The following COL6A5 variants were observed in gnomAD, a reference collection of about 807,000 sequenced individuals.
The protein encoded by COL6A5 is collagen type VI alpha 5 chain, also known as collagen alpha-5(VI) chain.
In COL6A5, 48 loss-of-function variants were observed where a neutral mutation model predicts 65.6. That is an observed-to-expected ratio of 0.73 (90% CI 0.58 to 0.93). The LOEUF is 0.93. COL6A5 is among the 40% of genes least tolerant of loss of function. The pLI, the probability that COL6A5 is intolerant of heterozygous loss-of-function variation, is 0.00. For missense variants in COL6A5, 914 were observed against 928.3 expected (o/e 0.98, Z 0.20); for synonymous variants, 291 against 322.8 (o/e 0.90, Z 1.05).
At chr3:130,481,027 G>A (rs893339554) in intron 7 of COL6A5, among the ~76,000 whole-genome samples, 27 of 151,990 alleles carry the variant, frequency 1.8e-4, no homozygotes, top group African/African-American at 6.3e-4. Flanking sequence ...AGGCAAGAGG[G>A]TTAGGCTTTC....
At chr3:130,421,061 G>A in intron 25 of COL6A5, 92 bp from the exon 26 acceptor site, 1 of 1,185,804 alleles carries the variant, frequency 8.4e-7, no homozygotes, top group Non-Finnish European at 1.2e-6. Flanking sequence ...GAAGTCCCTA[G>A]TGCTTCTCTT....
chr3:130,482,809 C>T (rs552433018), intron 7 of COL6A5, among the ~76,000 whole-genome samples: 75 of 152,174 alleles, frequency 4.9e-4, no homozygotes, highest in African/African-American at 1.7e-3. Flanking sequence ...TTGTAGCAAT[C>T]GTGAATGTGA....
chr3:130,421,408 C>T (rs1258269982), intron 27 of COL6A5, 48 bp downstream of exon 27: 1 of 1,523,678 alleles, frequency 6.6e-7, no homozygotes, highest in African/African-American at 1.4e-5. Context: ...TAACCTTCTA[C>T]TTGAGAACTG....
At chr3:130,373,638 A>C (rs1287946715) in exon 2 of COL6A5, 3 of 1,526,684 alleles carry the variant, frequency 2.0e-6, no homozygotes, top group Non-Finnish European at 8.9e-7. Context: ...TCACTAACAA[A>C]ATGAAGATCT....
chr3:130,412,764 G>T (rs1460369919), intron 20 of COL6A5, among the ~76,000 whole-genome samples: 2 of 152,104 alleles, frequency 1.3e-5, no homozygotes, highest in East Asian at 3.9e-4. Flanking sequence ...TGGAAACATT[G>T]TAAGCAATAG....
intron 17 of COL6A5, among the ~76,000 whole-genome samples, chr3:130,408,887 G>A (rs1297523030): frequency 6.6e-6 from 1 of 152,218 alleles, no homozygotes; most frequent in African/African-American, 2.4e-5. Flanking sequence ...GATGTTGGAA[G>A]TTGCTAGACT....
chr3:130,406,685 A>T (rs897707310), intron 17 of COL6A5, among the ~76,000 whole-genome samples: 6 of 152,114 alleles, frequency 3.9e-5, no homozygotes, highest in African/African-American at 1.4e-4. Flanking sequence ...AGAAAAAAAA[A>T]AGCAAGAGAA....
At chr3:130,385,448 A>T in intron 5 of COL6A5, 84 bp downstream of exon 5, 3 of 1,332,016 alleles carry the variant, frequency 2.3e-6, no homozygotes, top group Non-Finnish European at 1.0e-6. Context: ...ACAAGGCCTG[A>T]TGTGACCAGT....
At chr3:130,421,172 G>T in exon 26 of COL6A5, 1 of 1,550,698 alleles carries the variant, frequency 6.4e-7, no homozygotes, top group Non-Finnish European at 8.7e-7. Context: ...GGCATCCCAG[G>T]CTACGGTCAG....
chr3:130,432,507 C>T (rs1392116726), intron 1 of COL6A5, among the ~76,000 whole-genome samples: 4 of 149,276 alleles, frequency 2.7e-5, no homozygotes, highest in Non-Finnish European at 4.4e-5. Flanking sequence ...GCCGAAATGG[C>T]GCCACTACAC....
intron 1 of COL6A5, among the ~76,000 whole-genome samples, chr3:130,347,887 C>T (rs1369488935): frequency 6.6e-6 from 1 of 152,124 alleles, no homozygotes; most frequent in Non-Finnish European, 1.5e-5. Flanking sequence ...AGGAGTTGGG[C>T]ACTGGGCAAA....
intron 27 of COL6A5, among the ~76,000 whole-genome samples, chr3:130,422,302 G>A (rs1029576944): frequency 6.6e-6 from 1 of 151,768 alleles, no homozygotes; most frequent in Non-Finnish European, 1.5e-5. Flanking sequence ...TAAGCATGTC[G>A]ATAAATAACT....
intron 1 of COL6A5, among the ~76,000 whole-genome samples, chr3:130,351,749 C>A (rs559085551): frequency 6.6e-6 from 1 of 152,172 alleles, no homozygotes; most frequent in African/African-American, 2.4e-5. Context: ...GACAGTATGG[C>A]AATTCCTCAA....
At chr3:130,397,527 C>A in intron 8 of COL6A5, 56 bp from the exon 9 acceptor site, 3 of 1,381,240 alleles carry the variant, frequency 2.2e-6, no homozygotes, top group South Asian at 2.9e-5. Flanking sequence ...TCTGCCGTCT[C>A]TCCTTCCTTA....
exon 1 of COL6A5, chr3:130,431,804 A>C: frequency 6.4e-7 from 1 of 1,551,638 alleles, no homozygotes; most frequent in Non-Finnish European, 8.7e-7. Flanking sequence ...GCAGGAGCCA[A>C]CGTGAGGAGA....
intron 7 of COL6A5, among the ~76,000 whole-genome samples, chr3:130,481,100 G>C (rs899748582): frequency 6.6e-6 from 1 of 151,732 alleles, no homozygotes; most frequent in Non-Finnish European, 1.5e-5. Flanking sequence ...AAAATGTGCA[G>C]GTTTGTTACA....
intron 7 of COL6A5, among the ~76,000 whole-genome samples, chr3:130,477,677 C>T (rs1428442187): frequency 1.3e-5 from 2 of 151,928 alleles, no homozygotes; most frequent in African/African-American, 2.4e-5. Flanking sequence ...CCAGACCTAC[C>T]GAATCCGAAA....
chr3:130,412,248 C>T (rs951646096), intron 20 of COL6A5, among the ~76,000 whole-genome samples: 5 of 152,124 alleles, frequency 3.3e-5, no homozygotes, highest in East Asian at 3.9e-4. Context: ...TCATAACATA[C>T]CTGTGAGGTA....
chr3:130,375,756 T>G (rs1166557678), intron 2 of COL6A5, among the ~76,000 whole-genome samples: 2 of 151,828 alleles, frequency 1.3e-5, no homozygotes, highest in Non-Finnish European at 2.9e-5. Context: ...ATGGTAGCAG[T>G]AGAGAGAAGT....
Sources: gnomAD v4.1 joint callset for allele counts (sites outside exome capture counted in the v4.1 genomes callset) on GRCh38, gnomAD v4.1.1 for gene constraint, MANE v1.5 for transcripts, NCBI Gene and HGNC (gene_info 2026-07-23, HGNC 2026-07-21) for gene names.